Variants in PPP2R5E observed in about 807,000 individuals in gnomAD.
The protein encoded by PPP2R5E is serine/threonine-protein phosphatase 2A 56 kDa regulatory subunit epsilon isoform.
Under a neutral mutation model 65.3 loss-of-function variants are expected in PPP2R5E, and 4 were observed. That is an observed-to-expected ratio of 0.06 (90% CI 0.03 to 0.14). The LOEUF (loss-of-function observed/expected upper bound fraction) is 0.14, where lower values mean the gene tolerates loss of function less well. Ranked by LOEUF, PPP2R5E falls within the 10% of genes least tolerant of loss-of-function variation. The probability of loss-of-function intolerance (pLI) is 1.00; values close to 1 mark genes in which losing one functional copy is unlikely to be tolerated. For missense variants in PPP2R5E, 274 were observed against 556.1 expected, an observed-to-expected ratio of 0.49 and a Z score of 5.10; for synonymous variants, 183 against 187.4, an observed-to-expected ratio of 0.98 and a Z score of 0.19.
intron 2 of PPP2R5E, among the ~76,000 whole-genome samples, chr14:63,529,334 C>T (rs1423882728): frequency 3.3e-5 from 5 of 150,782 alleles, no homozygotes; most frequent in Admixed American, 3.3e-4. Context: ...GGATTACAGG[C>T]GTGAGCCACC....
chr14:63,382,695 C>G (rs1400755471), intron 12 of PPP2R5E, among the ~76,000 whole-genome samples: 1 of 152,214 alleles, frequency 6.6e-6, no homozygotes, highest in Non-Finnish European at 1.5e-5. Flanking sequence ...GCCACCACAC[C>G]TGGCCTGCCC....
intron 2 of PPP2R5E, among the ~76,000 whole-genome samples, chr14:63,476,163 G>A (rs1007694992): frequency 6.6e-6 from 1 of 152,192 alleles, no homozygotes; most frequent in Non-Finnish European, 1.5e-5. Flanking sequence ...ACATTTGAAA[G>A]TAGGAAGAAT....
At position 63,397,594 on chromosome 14, in the gene PPP2R5E, T is replaced by C. The variant is rs1015872509; in HGVS notation, c.550-878A>G. The stretch of plus-strand genomic sequence containing the variant: ...GAAAAAACCTGAATCAAAACAAACA[T>C]CAAAATGTCTCAATGATACTGGCAA... On this transcript the variant is annotated intron_variant, in intron 5 of 13. Coordinates refer to ENST00000337537, the MANE Select transcript of PPP2R5E (RefSeq NM_006246.5). Among the ~76,000 whole-genome samples, 16 of 141,296 alleles carry C rather than the reference T, an allele frequency of 1.1e-4. No homozygotes were observed. In the East Asian group the frequency reaches 1.6e-3, roughly 14 times the overall value. The allele number at this position is 141,296 out of a possible 152,430, so 92.7% of individuals were successfully genotyped here.
chr14:63,502,631 C>T (rs1891946583), intron 2 of PPP2R5E, among the ~76,000 whole-genome samples: 1 of 151,974 alleles, frequency 6.6e-6, no homozygotes, highest in Admixed American at 6.6e-5. Context: ...CATGCCACTG[C>T]ACTCAAGTCT....
At chr14:63,449,231 C>T (rs1178025885) in intron 3 of PPP2R5E, among the ~76,000 whole-genome samples, 1 of 152,170 alleles carries the variant, frequency 6.6e-6, no homozygotes, top group Non-Finnish European at 1.5e-5. Flanking sequence ...GATTACCCAA[C>T]AGGCAGGATC....
chr14:63,453,056 C>T (rs1212494680), intron 3 of PPP2R5E: 1 of 152,194 alleles, frequency 6.6e-6, no homozygotes, highest in Non-Finnish European at 1.5e-5. Context: ...CACATTTTGG[C>T]TCAGCTTTTG....
intron 2 of PPP2R5E, among the ~76,000 whole-genome samples, chr14:63,502,891 G>T (rs1394993547): frequency 6.6e-6 from 1 of 152,168 alleles, no homozygotes. Context: ...ACTTTGCGAG[G>T]CCAAGGCAGG....
rs533695355 is a variant in PPP2R5E at position 63,501,356 on chromosome 14, T to G, written c.157+38173A>C. Among the ~76,000 whole-genome samples the G allele has an allele frequency of 5.5e-3, 809 of 146,432 alleles. 1 individual carries two copies. The highest frequency in any genetic ancestry group is 9.1e-3 in the Non-Finnish European group (612 of 67,374). On this transcript the variant is annotated intron_variant, in intron 2 of 13. Coordinates refer to ENST00000337537, the MANE Select transcript of PPP2R5E (RefSeq NM_006246.5). ...GGAGGCGGAGCTTGCAGTGAGCCGATACAGTGCCACTGCACTCCAGCCTGG... is the reference window on the plus strand; with the variant it reads ...GGAGGCGGAGCTTGCAGTGAGCCGAGACAGTGCCACTGCACTCCAGCCTGG...
In PPP2R5E at chr14:63,486,765, C is replaced by G. The variant is rs111953726; in HGVS notation, c.158-32880G>C. On this transcript the variant is annotated intron_variant, in intron 2 of 13. Coordinates refer to ENST00000337537, the MANE Select transcript of PPP2R5E (RefSeq NM_006246.5). ...ATGTCTAACCCCTGGTCTGTTAACT[C>G]TGAAGGCCCCTTTCCACTCCAGCCT... Among the ~76,000 whole-genome samples the G allele has an allele frequency of 2.0e-5, 3 of 152,214 alleles. No individual in the cohort carries two copies. The East Asian group carries it at 5.8e-4, about 29-fold the overall frequency.
In PPP2R5E at chr14:63,416,889, C is replaced by T. The variant is rs965572695; in HGVS notation, c.457-1657G>A. Among the ~76,000 whole-genome samples, 7 of 152,178 alleles carry T rather than the reference C, an allele frequency of 4.6e-5. 1 individual carries two copies. In the South Asian group the frequency reaches 8.3e-4, roughly 18 times the overall value. ...AGTATACAAAGAAAATCAAGGCTGA[C>T]GGAGATCCAGGGAGATCTCCATCAA... On this transcript the variant is annotated intron_variant, in intron 4 of 13. Transcript: ENST00000337537.
intron 3 of PPP2R5E, among the ~76,000 whole-genome samples, chr14:63,427,722 A>T (rs962231808): frequency 6.6e-6 from 1 of 152,204 alleles, no homozygotes; most frequent in Non-Finnish European, 1.5e-5. Context: ...GGAGGAAAGG[A>T]TGTCAAAACC....
At chr14:63,393,982 A>G in intron 7 of PPP2R5E, 54 bp from the exon 8 acceptor site, 1 of 1,062,100 alleles carries the variant, frequency 9.4e-7, no homozygotes, top group Non-Finnish European at 1.5e-6. Context: ...TTGAACTGAG[A>G]CAAACTGTTC....
At chr14:63,417,442 T>C (rs939663102) in intron 4 of PPP2R5E, among the ~76,000 whole-genome samples, 4 of 149,136 alleles carry the variant, frequency 2.7e-5, no homozygotes, top group Non-Finnish European at 5.9e-5. Context: ...TGAATAATCA[T>C]AGTTTGTTAG....
At chr14:63,404,930 G>T (rs1320643330) in intron 5 of PPP2R5E, among the ~76,000 whole-genome samples, 1 of 152,180 alleles carries the variant, frequency 6.6e-6, no homozygotes, top group African/African-American at 2.4e-5. Flanking sequence ...TACATAATTT[G>T]TGGGGCCTAG....
chr14:63,489,393 T>TTTG (rs140733727), intron 2 of PPP2R5E, among the ~76,000 whole-genome samples: 164 of 149,168 alleles, frequency 1.1e-3, no homozygotes, highest in African/African-American at 3.4e-3. Flanking sequence ...TACCATAATT[T>TTTG]TTGTTGTTGT....
chr14:63,407,046 A>C (rs908847012), intron 5 of PPP2R5E, among the ~76,000 whole-genome samples: 1 of 152,260 alleles, frequency 6.6e-6, no homozygotes, highest in Non-Finnish European at 1.5e-5. Context: ...CGTTTACTGA[A>C]TATGAACCAT....
intron 5 of PPP2R5E, among the ~76,000 whole-genome samples, chr14:63,399,788 G>A (rs971775938): frequency 2.6e-5 from 4 of 151,970 alleles, no homozygotes; most frequent in African/African-American, 7.3e-5. Context: ...CAGTTCTAGT[G>A]TCTTTACAGC....
intron 3 of PPP2R5E, among the ~76,000 whole-genome samples, chr14:63,430,373 G>GCATACATA (rs1402372223): frequency 1.1e-3 from 136 of 126,638 alleles, no homozygotes; most frequent in African/African-American, 3.1e-3. Flanking sequence ...ATACATACAT[G>GCATACATA]CATGCATACA....
At chr14:63,491,445 C>T (rs1891281261) in intron 2 of PPP2R5E, among the ~76,000 whole-genome samples, 1 of 151,724 alleles carries the variant, frequency 6.6e-6, no homozygotes, top group African/African-American at 2.4e-5. Flanking sequence ...CATGAGACTT[C>T]AAAGATGTAG....
Sources: gnomAD v4.1 joint callset for allele counts (sites outside exome capture counted in the v4.1 genomes callset) on GRCh38, gnomAD v4.1.1 for gene constraint, MANE v1.5 for transcripts, NCBI Gene and HGNC (gene_info 2026-07-23, HGNC 2026-07-21) for gene names.